The following DNASE1 variants were observed in gnomAD, a reference collection of about 807,000 sequenced individuals.
DNASE1 encodes deoxyribonuclease 1.
A neutral mutation model predicts 33.9 loss-of-function variants in DNASE1; 40 were observed. The observed-to-expected ratio is 1.18, with a 90% CI of 0.92 to 1.54. DNASE1 has a LOEUF of 1.54. Among genes scored for constraint, DNASE1 ranks in the 40% most tolerant of loss-of-function variants. The probability of loss-of-function intolerance (pLI) is 0.00; values close to 1 mark genes in which losing one functional copy is unlikely to be tolerated. For missense variants in DNASE1, 518 were observed against 372.6 expected (o/e 1.39, Z -3.21); for synonymous variants, 216 against 160.0 (o/e 1.35, Z -2.64).
At chr16:3,650,488 G>C (rs925389632), upstream of DNASE1, 6 of 150,700 alleles carry the variant, frequency 4.0e-5, no homozygotes, top group Non-Finnish European at 8.8e-5. Flanking sequence ...TTTATTGTTA[G>C]TTTTCTTCAT....
upstream of DNASE1, chr16:3,653,844 G>GAAAAAA (rs2042435887): frequency 9.8e-6 from 1 of 101,742 alleles, no homozygotes; most frequent in African/African-American, 4.3e-5. Flanking sequence ...AAAAAAAACT[G>GAAAAAA]AGCATGGTAG....
chr16:3,648,389 C>T (rs1281208001), intron 1 of DNASE1, among the ~76,000 whole-genome samples: 3 of 152,108 alleles, frequency 2.0e-5, no homozygotes, highest in African/African-American at 4.8e-5. Flanking sequence ...GGTGAAATCC[C>T]GTCTCTACTA....
chr16:3,662,625 C>G (rs760370772), downstream of DNASE1: 1 of 663,840 alleles, frequency 1.5e-6, no homozygotes, highest in Non-Finnish European at 2.8e-6. Context: ...GCAGCTCCCA[C>G]TCAGGATGCT....
At chr16:3,664,264 G>T in exon 10 of DNASE1, 4 of 1,467,782 alleles carry the variant, frequency 2.7e-6, no homozygotes, top group Non-Finnish European at 3.7e-6. Context: ...CCCACCCACC[G>T]CTCACCCACC....
At chr16:3,622,730 C>G (rs2041367370) in intron 1 of DNASE1, among the ~76,000 whole-genome samples, 1 of 152,138 alleles carries the variant, frequency 6.6e-6, no homozygotes, top group Admixed American at 6.6e-5. Flanking sequence ...GGGACTACAC[C>G]TATGTGCTAC....
Position 3,627,039 on chromosome 16 carries a change from AT to A in DNASE1, c.-1358-13660del, listed in dbSNP as rs1203260520. On this transcript the variant is annotated intron_variant and NMD_transcript_variant, in intron 1 of 11. Transcript: ENST00000570769. ...GGCACATGCCACCATGCTTATTTAA[AT>A]TTTTTTTTTTTTTTTGGTAGAGACA... Among the ~76,000 whole-genome samples, 485 of 137,888 alleles carry A rather than the reference AT, an allele frequency of 3.5e-3. 1 individual carries two copies. Among genetic ancestry groups the A allele is most frequent in the Middle Eastern group, 3.8e-3 (1 of 260 alleles). 90.5% of individuals were successfully genotyped at this position (137,888 alleles called of 152,430 possible).
At chr16:3,642,636 G>C (rs1478542586), upstream of DNASE1, among the ~76,000 whole-genome samples, 1 of 152,236 alleles carries the variant, frequency 6.6e-6, no homozygotes, top group African/African-American at 2.4e-5. Context: ...GGTAACTACA[G>C]TGTGAGTGAG....
In DNASE1 at chr16:3,657,007, G is replaced by C. The variant is rs368307903; in HGVS notation, c.445G>C (p.Glu149Gln). The change falls in exon 6 of 9, where the codon GAG becomes CAG. Residue 149 changes from glutamate (E) to glutamine (Q), a missense_variant. Coordinates refer to ENST00000246949, the MANE Select transcript of DNASE1 (RefSeq NM_005223.4). ...RFFSRFTEVREFAIVPLHAAP... is the reference protein window; with the variant it reads ...RFFSRFTEVRQFAIVPLHAAP... ...CGTGGCTGTCTCCACAGAGGTCAGG[G>C]AGTTTGCCATTGTTCCCCTGCATGC... 18 of 1,613,544 alleles carry C rather than the reference G, an allele frequency of 1.1e-5. No homozygotes were observed. The highest frequency in any genetic ancestry group is 1.4e-5 in the Non-Finnish European group (17 of 1,179,958).
chr16:3,658,267 TG>T, downstream of DNASE1: 1 of 1,502,048 alleles, frequency 6.7e-7, no homozygotes, highest in Non-Finnish European at 9.1e-7. Context: ...ATGAGGGGCA[TG>T]GGGCACCTTT....
chr16:3,630,209 C>T (rs1056467993), intron 1 of DNASE1, among the ~76,000 whole-genome samples: 3 of 151,980 alleles, frequency 2.0e-5, no homozygotes, highest in African/African-American at 7.3e-5. Context: ...GAGACGGGGT[C>T]TCACTTTGTT....
In DNASE1 at chr16:3,655,879, C is replaced by G. The variant is rs1189107019; in HGVS notation, c.178C>G (p.Gln60Glu). ...GAGCCGCTATGACATCGCCCTGGTC[C>G]AGGAGGTCAGAGACAGCCACCTGAC... ...ILSRYDIALVQEVRDSHLTAV... is the reference protein window; with the variant it reads ...ILSRYDIALVEEVRDSHLTAV... Residue 60 changes from glutamine (Q) to glutamate (E), a missense_variant, in exon 3 of 9, where the codon CAG (glutamine) becomes GAG (glutamate). Transcript: ENST00000246949. 4 of 1,613,868 alleles carry G rather than the reference C, an allele frequency of 2.5e-6. No individual in the cohort carries two copies. Among genetic ancestry groups the G allele is most frequent in the African/African-American group, 2.7e-5 (2 of 74,936 alleles).
downstream of DNASE1, chr16:3,659,138 G>C (rs900897270): frequency 2.8e-5 from 10 of 359,754 alleles, no homozygotes; most frequent in African/African-American, 1.9e-4. Context: ...AGTACGTGAA[G>C]ACATGCCTTG....
downstream of DNASE1, chr16:3,658,170 G>T (rs143664485): frequency 1.2e-6 from 2 of 1,613,942 alleles, no homozygotes; most frequent in Non-Finnish European, 1.7e-6. Context: ...TCATTCAAGC[G>T]GCCCACCATG....
chr16:3,664,219 A>C, exon 10 of DNASE1: 326 of 1,468,942 alleles, frequency 2.2e-4, no homozygotes, highest in Non-Finnish European at 2.6e-4. Context: ...TGAGAAGGTC[A>C]AGACCCTCCC....
chr16:3,619,072 T>G (rs1370244579), intron 1 of DNASE1, among the ~76,000 whole-genome samples: 1 of 151,914 alleles, frequency 6.6e-6, no homozygotes. Flanking sequence ...TTACACTCTA[T>G]CATCCAGAAT....
At chr16:3,650,814 C>G (rs74554199), upstream of DNASE1, 3 of 152,040 alleles carry the variant, frequency 2.0e-5, no homozygotes, top group Admixed American at 1.3e-4. Context: ...GGTAGAACAC[C>G]GCCACCCTCA....
upstream of DNASE1, among the ~76,000 whole-genome samples, chr16:3,640,051 A>G (rs1168254656): frequency 6.6e-6 from 1 of 152,212 alleles, no homozygotes; most frequent in African/African-American, 2.4e-5. Flanking sequence ...TTTAGTCTGC[A>G]GTTGACTTAG....
intron 1 of DNASE1, among the ~76,000 whole-genome samples, chr16:3,633,708 G>A (rs929209683): frequency 2.0e-5 from 3 of 152,018 alleles, no homozygotes; most frequent in Non-Finnish European, 4.4e-5. Context: ...CACTTCATGG[G>A]TTGTACAAGT....
chr16:3,661,823 T>C, downstream of DNASE1: 2 of 909,738 alleles, frequency 2.2e-6, no homozygotes, highest in Middle Eastern at 2.5e-4. Flanking sequence ...CCAGGTTCCA[T>C]TTCACATGGG....
Sources: allele counts gnomAD v4.1 joint callset (sites outside exome capture counted in the v4.1 genomes callset), GRCh38; gene constraint gnomAD v4.1.1; transcripts MANE v1.5; gene names NCBI Gene and HGNC (gene_info 2026-07-23, HGNC 2026-07-21).